ZNF831: variants seen among roughly 807,000 people sequenced by gnomAD.
ZNF831 encodes chromosome 20 open reading frame 174.
In ZNF831, 59 loss-of-function variants were observed where a neutral mutation model predicts 95.8. The observed-to-expected ratio is 0.62, with a 90% CI of 0.50 to 0.77. ZNF831 has a LOEUF of 0.77. Ranked by LOEUF, ZNF831 falls within the 30% of genes least tolerant of loss-of-function variation. ZNF831 has a pLI of 0.00. For missense variants in ZNF831, 2,205 were observed against 2,164.0 expected (o/e 1.02, Z -0.38); for synonymous variants, 961 against 925.5 (o/e 1.04, Z -0.70).
intron 1 of ZNF831, among the ~76,000 whole-genome samples, 165 bp from the exon 2 acceptor site, chr20:59,190,819 C>G (rs926244649): frequency 2.0e-5 from 3 of 152,206 alleles, no homozygotes; most frequent in Admixed American, 2.0e-4. Context: ...CTCAGCTTTC[C>G]CTTTTGGATG....
chr20:59,149,720 G>A (rs757327638), intron 2 of ZNF831, among the ~76,000 whole-genome samples: 13 of 152,360 alleles, frequency 8.5e-5, no homozygotes, highest in Non-Finnish European at 1.3e-4. Context: ...TCATGCCTGA[G>A]CCTTGTCCCT....
intron 4 of ZNF831, among the ~76,000 whole-genome samples, chr20:59,209,213 C>T (rs559805242): frequency 6.6e-6 from 1 of 152,318 alleles, no homozygotes; most frequent in South Asian, 2.1e-4. Context: ...GCCTTGCAGA[C>T]TCCAGCATGG....
chr20:59,168,254 T>G (rs956499750), intron 1 of ZNF831, among the ~76,000 whole-genome samples: 1 of 152,220 alleles, frequency 6.6e-6, no homozygotes, highest in Non-Finnish European at 1.5e-5. Context: ...TTAGACTTTA[T>G]TTGAGTTAGT....
In ZNF831 at chr20:59,254,432, A is replaced by G. The variant is rs2146769618; in HGVS notation, c.4723A>G (p.Ser1575Gly). Residue 1575 changes from serine (S) to glycine (G), a missense_variant, in exon 6 of 6, where the codon AGT (serine) becomes GGT (glycine). By Grantham distance (56) the Ser-to-Gly change is moderately conservative (BLOSUM62 0). Transcript: ENST00000371030. This position sits in a 1 kb window ranked among gnomAD's most constrained non-coding sequence, Gnocchi z 4.5. The part of the protein sequence containing the change: ...THLEIPASGP[S>G]SASSHHKEGR... ...TCTTGAAATACCAGCTTCAGGACCA[A>G]GTTCAGCTAGTTCACACCACAAGGA... 6.2e-7 allele frequency: 1 copy of G among 1,614,218 alleles called. No individual in the cohort carries two copies. The highest frequency in any genetic ancestry group is 8.5e-7 in the Non-Finnish European group (1 of 1,180,038).
At chr20:59,127,789 A>C (rs868597385) in intron 1 of ZNF831, among the ~76,000 whole-genome samples, 3 of 152,212 alleles carry the variant, frequency 2.0e-5, no homozygotes, top group Non-Finnish European at 4.4e-5. Context: ...GCATTTCTCA[A>C]ATGAGCAAGT....
At chr20:59,151,740 C>T (rs772880992) in intron 2 of ZNF831, among the ~76,000 whole-genome samples, 3 of 152,176 alleles carry the variant, frequency 2.0e-5, no homozygotes, top group Non-Finnish European at 2.9e-5. Flanking sequence ...TTTGTATTTG[C>T]GCTCTTAGAG....
chr20:59,226,105 C>T (rs1986413404), intron 4 of ZNF831, among the ~76,000 whole-genome samples: 1 of 152,154 alleles, frequency 6.6e-6, no homozygotes, highest in Admixed American at 6.5e-5. Flanking sequence ...GAACCTTCTA[C>T]TTGGCCAGGT....
chr20:59,253,890 TG>T lies in ZNF831; in HGVS notation c.4189-7del. On this transcript the variant is annotated splice_polypyrimidine_tract_variant and splice_region_variant and intron_variant, in intron 5 of 5. Transcript: ENST00000371030. ...CCCACTTTTTTTTTCCTTTGCACTT[TG>T]TTGCAGGATATTTCTCCATCTGCTG... 1 of 1,054,266 alleles carries T rather than the reference TG, an allele frequency of 9.5e-7. No homozygotes were observed. Among genetic ancestry groups the T allele is most frequent in the Admixed American group, 2.1e-5 (1 of 48,660 alleles). 65.3% of individuals were successfully genotyped at this position (1,054,266 alleles called of 1,614,324 possible).
chr20:59,175,158 T>A (rs1254269622), intron 1 of ZNF831, among the ~76,000 whole-genome samples: 2 of 151,760 alleles, frequency 1.3e-5, no homozygotes, highest in East Asian at 3.9e-4. Context: ...TCAATATTTT[T>A]TATCTTTAGA....
rs1343658549 is a variant in ZNF831, at chr20:59,255,016, G to A, written c.*273G>A. The A allele has an allele frequency of 2.6e-5, 9 of 351,756 alleles. 1 individual carries two copies. The highest frequency in any genetic ancestry group is 1.1e-4 in the East Asian group (2 of 18,588). The allele number at this position is 351,756 out of a possible 1,614,324, so 21.8% of individuals were successfully genotyped here. ...GAAGCAAACTCTGCAAATGGTCAAC[G>A]TGCACAGTGACTGGGCCTTGACTCC... On this transcript the variant is annotated 3_prime_UTR_variant, in exon 6 of 6. Transcript: ENST00000371030.
rs1981058303 is a variant in ZNF831 at position 59,164,024 on chromosome 20, C to A, written c.-220C>A. 6.6e-6 allele frequency among the ~76,000 whole-genome samples: 1 copy of A among 152,062 alleles called. No individual in the cohort carries two copies. Among genetic ancestry groups the A allele is most frequent in the South Asian group, 2.1e-4 (1 of 4,834 alleles). ...GGAACTGGGAGAGAACACTAAAATGCCCTCTCAGCAAAGAGTAGCGAGCTC... is the reference window on the plus strand; with the variant it reads ...GGAACTGGGAGAGAACACTAAAATGACCTCTCAGCAAAGAGTAGCGAGCTC... On this transcript the variant is annotated 5_prime_UTR_variant, in exon 1 of 6. The change creates a premature stop within an existing upstream ORF in the 5' untranslated region. Coordinates refer to ENST00000371030, the MANE Select transcript of ZNF831 (RefSeq NM_178457.3).
intron 1 of ZNF831, among the ~76,000 whole-genome samples, chr20:59,180,430 G>T (rs1982526605): frequency 6.6e-6 from 1 of 152,134 alleles, no homozygotes. Context: ...GTATACATGT[G>T]CCATGGTGGT....
chr20:59,153,781 C>T (rs2146460832), intron 2 of ZNF831, among the ~76,000 whole-genome samples: 1 of 152,332 alleles, frequency 6.6e-6, no homozygotes, highest in East Asian at 1.9e-4. Context: ...GCAATTTTTG[C>T]TCTCCCAAAA....
rs372224136 is a variant in ZNF831, at chr20:59,190,970, G to T, written c.-36-14G>T. The T allele has an allele frequency of 5.5e-6, 8 of 1,462,734 alleles. No homozygotes were observed. The African/African-American group carries it at 8.5e-5, about 16-fold the overall frequency. The allele number at this position is 1,462,734 out of a possible 1,614,324, so 90.6% of individuals were successfully genotyped here. A position where few individuals can be genotyped will look rare whatever the true frequency, so the allele number is the denominator to read the frequency against. On this transcript the variant is annotated splice_polypyrimidine_tract_variant and intron_variant, in intron 1 of 5. Transcript: ENST00000371030. ...GGAGAGGTGCCCATGGTAAAGTTTG[G>T]TTGTTGTCTGCAGGTTTTCCAGCAT... is the stretch of plus-strand genomic sequence containing the variant.
At position 59,253,889 on chromosome 20, in the gene ZNF831, TTG is replaced by T; in HGVS notation, c.4189-7_4189-6del. On this transcript the variant is annotated splice_polypyrimidine_tract_variant and splice_region_variant and intron_variant, in intron 5 of 5. Transcript: ENST00000371030. The stretch of plus-strand genomic sequence containing the variant: ...CCCCACTTTTTTTTTCCTTTGCACT[TTG>T]TTGCAGGATATTTCTCCATCTGCTG... The T allele has an allele frequency of 1.0e-6, 1 of 976,458 alleles. No individual in the cohort carries two copies. The allele number at this position is 976,458 out of a possible 1,614,324, so 60.5% of individuals were successfully genotyped here.
At chr20:59,190,912 C>T in intron 1 of ZNF831, 72 bp from the exon 2 acceptor site, 2 of 1,345,458 alleles carry the variant, frequency 1.5e-6, no homozygotes, top group South Asian at 1.7e-5. Flanking sequence ...GTGCTTGGTG[C>T]AGGGTAGGCA....
upstream of ZNF831, among the ~76,000 whole-genome samples, chr20:59,158,929 A>T (rs1980687223): frequency 6.6e-6 from 1 of 152,164 alleles, no homozygotes; most frequent in South Asian, 2.1e-4. Flanking sequence ...AGTAAACTCC[A>T]GACTTTATGT....
At chr20:59,251,343 A>G (rs1374351674) in intron 4 of ZNF831, among the ~76,000 whole-genome samples, 3 of 152,222 alleles carry the variant, frequency 2.0e-5, no homozygotes, top group African/African-American at 4.8e-5. Flanking sequence ...AAAAGATTTC[A>G]TCCAAAGGAC....
intron 4 of ZNF831, 117 bp from the exon 5 acceptor site, chr20:59,252,861 G>A: frequency 9.4e-7 from 1 of 1,061,038 alleles, no homozygotes; most frequent in Non-Finnish European, 1.3e-6. Flanking sequence ...CACACCCTGT[G>A]AGATGAGGGT....
Sources: allele counts gnomAD v4.1 joint callset (sites outside exome capture counted in the v4.1 genomes callset), GRCh38; gene constraint gnomAD v4.1.1; non-coding constraint Gnocchi (gnomAD v3.1); transcripts MANE v1.5; gene names NCBI Gene and HGNC (gene_info 2026-07-23, HGNC 2026-07-21).